ZDHHC14: variants seen among roughly 807,000 people sequenced by gnomAD.
The protein encoded by ZDHHC14 is zDHHC palmitoyltransferase 14.
A neutral mutation model predicts 47.7 loss-of-function variants in ZDHHC14; 16 were observed. The observed-to-expected ratio is 0.34, with a 90% CI of 0.23 to 0.51. The LOEUF (loss-of-function observed/expected upper bound fraction) is 0.51. ZDHHC14 is among the 20% of genes least tolerant of loss of function. ZDHHC14 has a pLI of 0.97. For missense variants in ZDHHC14, 515 were observed against 662.5 expected (o/e 0.78, Z 2.44); for synonymous variants, 293 against 278.9 (o/e 1.05, Z -0.50).
chr6:157,663,839 C>T (rs636803), intron 8 of ZDHHC14, among the ~76,000 whole-genome samples: 47,033 of 152,102 alleles, frequency 0.31, 7,875 homozygotes, highest in Non-Finnish European at 0.39. Context: ...AAGCCTTCCA[C>T]GTACATAACT....
chr6:157,561,185 A>G (rs982305417), intron 2 of ZDHHC14, among the ~76,000 whole-genome samples: 1 of 152,168 alleles, frequency 6.6e-6, no homozygotes, highest in Non-Finnish European at 1.5e-5. Flanking sequence ...TGAGAACGAC[A>G]TTCACTCTGC....
intron 1 of ZDHHC14, among the ~76,000 whole-genome samples, chr6:157,446,003 G>C (rs967878372): frequency 6.6e-6 from 1 of 152,152 alleles, no homozygotes; most frequent in African/African-American, 2.4e-5. Context: ...GGGTGCATGA[G>C]GGCCATTGCA....
chr6:157,570,754 TACAC>T (rs67259133), intron 2 of ZDHHC14, among the ~76,000 whole-genome samples: 8,775 of 142,302 alleles, frequency 0.062, 285 homozygotes, highest in African/African-American at 0.073. Flanking sequence ...TGTATATACA[TACAC>T]ACACACACAC....
chr6:157,385,021 A>T (rs1777283699), intron 1 of ZDHHC14, among the ~76,000 whole-genome samples: 1 of 152,272 alleles, frequency 6.6e-6, no homozygotes, highest in South Asian at 2.1e-4. Flanking sequence ...GCCTCAAGTG[A>T]TCCTCCCGCC....
intron 1 of ZDHHC14, among the ~76,000 whole-genome samples, chr6:157,402,322 C>T (rs773836415): frequency 6.0e-5 from 9 of 150,592 alleles, no homozygotes; most frequent in Non-Finnish European, 5.9e-5. Flanking sequence ...CTGCTGAGGT[C>T]GCAGTTGCAG....
At chr6:157,569,288 A>G (rs1783016154) in intron 2 of ZDHHC14, among the ~76,000 whole-genome samples, 1 of 151,990 alleles carries the variant, frequency 6.6e-6, no homozygotes, top group Non-Finnish European at 1.5e-5. Flanking sequence ...AGTCTCTGGT[A>G]TGTCTTTGAA....
At chr6:157,458,099 G>GTGTAGAATC (rs1182037448) in intron 1 of ZDHHC14, among the ~76,000 whole-genome samples, 1 of 152,256 alleles carries the variant, frequency 6.6e-6, no homozygotes, top group Admixed American at 6.5e-5. Flanking sequence ...CACTCGGTAT[G>GTGTAGAATC]TGTAGAATCT....
intron 2 of ZDHHC14, among the ~76,000 whole-genome samples, chr6:157,562,031 T>C (rs1256798130): frequency 6.6e-6 from 1 of 152,106 alleles, no homozygotes; most frequent in East Asian, 1.9e-4. Flanking sequence ...GTTTATAACA[T>C]ATAAACAAAA....
At chr6:157,485,713 T>A (rs565241995) in intron 1 of ZDHHC14, among the ~76,000 whole-genome samples, 1 of 150,964 alleles carries the variant, frequency 6.6e-6, no homozygotes, top group Admixed American at 6.6e-5. Flanking sequence ...AAAAAATCTA[T>A]AAAGAATGCT....
At chr6:157,560,567 G>T (rs1277220726) in intron 2 of ZDHHC14, among the ~76,000 whole-genome samples, 3 of 151,366 alleles carry the variant, frequency 2.0e-5, no homozygotes, top group African/African-American at 4.9e-5. Flanking sequence ...GTTTTTTTTT[G>T]TGATTGGACT....
At chr6:157,406,421 T>C (rs1299960827) in intron 1 of ZDHHC14, among the ~76,000 whole-genome samples, 1 of 152,216 alleles carries the variant, frequency 6.6e-6, no homozygotes, top group Non-Finnish European at 1.5e-5. Flanking sequence ...GTACCTTTGG[T>C]TGAATATGAT....
intron 1 of ZDHHC14, among the ~76,000 whole-genome samples, chr6:157,453,253 A>T (rs924923719): frequency 1.3e-5 from 2 of 152,212 alleles, no homozygotes; most frequent in Non-Finnish European, 2.9e-5. Context: ...TACCGAAGAC[A>T]TTCTATCTCT....
At chr6:157,653,435 G>C in intron 7 of ZDHHC14, 90 bp from the exon 8 acceptor site, 1 of 1,387,738 alleles carries the variant, frequency 7.2e-7, no homozygotes, top group Non-Finnish European at 1.0e-6. Flanking sequence ...CACGGGAAGA[G>C]GGAGCCCCGA....
intron 1 of ZDHHC14, among the ~76,000 whole-genome samples, chr6:157,414,039 C>A (rs1284210455): frequency 6.6e-6 from 1 of 152,094 alleles, no homozygotes; most frequent in East Asian, 1.9e-4. Flanking sequence ...TGGGTTCAAG[C>A]GATTCTCCTG....
intron 4 of ZDHHC14, 126 bp from the exon 5 acceptor site, chr6:157,632,708 G>GTAGCA: frequency 1.1e-6 from 1 of 950,780 alleles, no homozygotes; most frequent in Non-Finnish European, 1.7e-6. Flanking sequence ...ACTGGGTGTC[G>GTAGCA]TAGCACTTAC....
intron 1 of ZDHHC14, among the ~76,000 whole-genome samples, chr6:157,468,909 T>C (rs1357604816): frequency 6.6e-6 from 1 of 152,194 alleles, no homozygotes; most frequent in East Asian, 1.9e-4. Context: ...AACTGGTGAA[T>C]GGCAGAGCTT....
chr6:157,566,176 G>A (rs1782892929), intron 2 of ZDHHC14, among the ~76,000 whole-genome samples: 1 of 152,168 alleles, frequency 6.6e-6, no homozygotes, highest in African/African-American at 2.4e-5. Context: ...TGGCTTTTGA[G>A]AGAAGAAAAG....
intron 3 of ZDHHC14, among the ~76,000 whole-genome samples, chr6:157,601,793 T>C (rs1784346166): frequency 6.6e-6 from 1 of 152,222 alleles, no homozygotes; most frequent in Non-Finnish European, 1.5e-5. Context: ...TGTGCATGTG[T>C]GTAAGTGATT....
intron 5 of ZDHHC14, among the ~76,000 whole-genome samples, chr6:157,640,648 C>T (rs1039211824): frequency 1.3e-5 from 2 of 152,184 alleles, no homozygotes; most frequent in African/African-American, 4.8e-5. Flanking sequence ...CAACTACCAC[C>T]CTCCCTCCCA....
Sources: gnomAD v4.1 joint callset for allele counts (sites outside exome capture counted in the v4.1 genomes callset) on GRCh38, gnomAD v4.1.1 for gene constraint, MANE v1.5 for transcripts, NCBI Gene and HGNC (gene_info 2026-07-23, HGNC 2026-07-21) for gene names.